CTPS1: variants seen among roughly 807,000 people sequenced by gnomAD.
CTPS1 encodes the protein CTP synthetase 1.
CTPS1 carries 25 observed loss-of-function variants against 80.5 expected under a neutral mutation model. The ratio of observed to expected loss-of-function variants is 0.31; its 90% CI spans 0.23 to 0.43. The LOEUF is 0.43. CTPS1 is among the 20% of genes least tolerant of loss of function. The pLI, the probability that CTPS1 is intolerant of heterozygous loss-of-function variation, is 1.00. For missense variants in CTPS1, 442 were observed against 725.7 expected (o/e 0.61, Z 4.49); for synonymous variants, 267 against 252.5 (o/e 1.06, Z -0.54).
At chr1:40,992,753 C>T (rs79721587) in intron 7 of CTPS1, among the ~76,000 whole-genome samples, 13,272 of 147,096 alleles carry the variant, frequency 0.09, 653 homozygotes, top group South Asian at 0.13. Flanking sequence ...TGCAGTGGCG[C>T]GATCTTTTTG....
chr1:40,991,396 A>G, intron 6 of CTPS1, 148 bp downstream of exon 6: 2 of 638,808 alleles, frequency 3.1e-6, no homozygotes, highest in East Asian at 2.9e-5. Context: ...ACCGGGCTGT[A>G]GTTTGCAAGA....
chr1:41,006,160 T>C, intron 13 of CTPS1, 66 bp downstream of exon 13: 10 of 1,336,046 alleles, frequency 7.5e-6, no homozygotes, highest in Non-Finnish European at 1.1e-5. Flanking sequence ...ATGAACGTGA[T>C]TGATGATTAG....
Position 40,996,009 on chromosome 1 carries a change from C to T in CTPS1, c.813C>T (p.Asp271=). The part of the protein sequence containing the change: ...GVVDYFLRRL[D]LPIERQPRKM... The stretch of plus-strand genomic sequence containing the variant: ...TAGATTATTTTCTTCGAAGACTTGA[C>T]CTTCCTATTGAGAGGCAGCCAAGAA... The change falls in exon 8 of 19, where the codon GAC becomes GAT. Residue 271 remains aspartate (D), a synonymous_variant. Coordinates refer to ENST00000650070, the MANE Select transcript of CTPS1 (RefSeq NM_001905.4). 1 of 1,614,162 alleles carries T rather than the reference C, an allele frequency of 6.2e-7. No homozygotes were observed. Among genetic ancestry groups the T allele is most frequent in the East Asian group, 2.2e-5 (1 of 44,878 alleles).
In CTPS1 at chr1:40,987,369, C is replaced by T. The variant is rs1420976519; in HGVS notation, c.338-3C>T. 6.2e-7 allele frequency: 1 copy of T among 1,609,650 alleles called. No homozygotes were observed. Among genetic ancestry groups the T allele is most frequent in the Non-Finnish European group, 8.5e-7 (1 of 1,176,166 alleles). On this transcript the variant is annotated splice_polypyrimidine_tract_variant and splice_region_variant and intron_variant, in intron 3 of 18. Coordinates refer to ENST00000650070, the MANE Select transcript of CTPS1 (RefSeq NM_001905.4). ...AGTTCCCTGTTTGTTTTCTTTTTCC[C>T]AGTTGTCCCTCATATCACAGATGCA...
chr1:40,987,054 A>G (rs770851884), intron 3 of CTPS1, among the ~76,000 whole-genome samples: 1 of 152,176 alleles, frequency 6.6e-6, no homozygotes, highest in Non-Finnish European at 1.5e-5. Context: ...GCTGTGAGCA[A>G]TAGGGTTGGC....
intron 7 of CTPS1, 72 bp from the exon 8 acceptor site, chr1:40,995,845 A>C (rs1558149746): frequency 2.1e-6 from 3 of 1,447,744 alleles, no homozygotes; most frequent in Non-Finnish European, 2.8e-6. Flanking sequence ...TTACAAGGTC[A>C]CGTAGCTAGT....
Position 41,003,164 on chromosome 1 carries a change from C to G in CTPS1, c.1240C>G (p.Leu414Val). Reference protein sequence around the residue: ...LAVVEFSRNVLGWQDANSTEF... With the variant: ...LAVVEFSRNVVGWQDANSTEF... ...AGTGGTTGAATTCTCAAGAAACGTG[C>G]TGGGATGGCAAGGTAAGCGTGCATT... The change falls in exon 12 of 19, where the codon CTG becomes GTG. Residue 414 changes from leucine (L) to valine (V), a missense_variant. Leu to Val is a conservative substitution (Grantham distance 32). This residue lies in a region of CTPS1 where 321 missense variants were observed against 467.2 expected (regional missense o/e 0.69). Transcript: ENST00000650070. The G allele has an allele frequency of 6.2e-7, 1 of 1,614,122 alleles. No individual in the cohort carries two copies. Among genetic ancestry groups the G allele is most frequent in the Non-Finnish European group, 8.5e-7 (1 of 1,180,022 alleles).
intron 10 of CTPS1, chr1:41,001,559 C>T (rs1418146379): frequency 1.2e-5 from 2 of 160,808 alleles, no homozygotes; most frequent in African/African-American, 4.8e-5. Flanking sequence ...GAAAGGCCCC[C>T]TTAGGGGAGC....
At chr1:40,998,657 T>A (rs1362610997) in intron 9 of CTPS1, among the ~76,000 whole-genome samples, 1 of 152,178 alleles carries the variant, frequency 6.6e-6, no homozygotes, top group Non-Finnish European at 1.5e-5. Context: ...AACCCTCCCT[T>A]CTGCCTGTCC....
chr1:41,006,202 C>T (rs933635068), intron 13 of CTPS1, 108 bp downstream of exon 13: 4 of 946,168 alleles, frequency 4.2e-6, no homozygotes, highest in Non-Finnish European at 5.0e-6. Flanking sequence ...GAGTCCATCC[C>T]AAAGAACCCT....
chr1:40,991,138 T>C, intron 5 of CTPS1, 27 bp from the exon 6 acceptor site: 1 of 1,381,878 alleles, frequency 7.2e-7, no homozygotes, highest in Non-Finnish European at 9.8e-7. Flanking sequence ...GAAACTAACT[T>C]TTTTTTTTTT....
At chr1:41,002,339 G>T in intron 11 of CTPS1, 85 bp downstream of exon 11, 1 of 1,054,316 alleles carries the variant, frequency 9.5e-7, no homozygotes, top group Non-Finnish European at 1.5e-6. Flanking sequence ...AACAAAGTGG[G>T]GGGATTACTG....
At chr1:40,989,314 T>C (rs76311021) in intron 5 of CTPS1, among the ~76,000 whole-genome samples, 3,937 of 152,250 alleles carry the variant, frequency 0.026, 174 homozygotes, top group African/African-American at 0.09. Context: ...GAGCAGACAG[T>C]AGGGACAGTT....
At chr1:40,994,359 C>A (rs1642700042) in intron 7 of CTPS1, among the ~76,000 whole-genome samples, 1 of 152,188 alleles carries the variant, frequency 6.6e-6, no homozygotes, top group Non-Finnish European at 1.5e-5. Flanking sequence ...TCCTTGGATA[C>A]TATTCTGTAC....
intron 1 of CTPS1, 180 bp from the exon 2 acceptor site, chr1:40,983,098 C>A: frequency 2.0e-6 from 1 of 491,580 alleles, no homozygotes. Context: ...TTCAGTGATC[C>A]AAGAAATGTT....
intron 3 of CTPS1, among the ~76,000 whole-genome samples, chr1:40,986,927 TG>T (rs1347314539): frequency 5.3e-5 from 8 of 152,332 alleles, no homozygotes; most frequent in African/African-American, 1.9e-4. Context: ...TCTGCTGTGC[TG>T]TGCTGGCTCA....
At chr1:41,008,607 G>A (rs1409637206) in intron 14 of CTPS1, 52 bp from the exon 15 acceptor site, 14 of 1,560,596 alleles carry the variant, frequency 9.0e-6, no homozygotes, top group South Asian at 7.8e-5. Context: ...CTTTGTGAAC[G>A]CATCATCCTG....
At chr1:40,999,569 A>G (rs978738642) in intron 9 of CTPS1, among the ~76,000 whole-genome samples, 2 of 152,144 alleles carry the variant, frequency 1.3e-5, no homozygotes, top group Non-Finnish European at 2.9e-5. Flanking sequence ...AGTGTTAGAG[A>G]GGCTGTGGAG....
At chr1:40,980,110 T>A (rs1042704030) in intron 1 of CTPS1, 10 of 151,120 alleles carry the variant, frequency 6.6e-5, no homozygotes, top group African/African-American at 2.4e-4. Context: ...CTTCAGAGGC[T>A]GCGGGGCCTG....
Sources: allele counts gnomAD v4.1 joint callset (sites outside exome capture counted in the v4.1 genomes callset), GRCh38; gene constraint gnomAD v4.1.1; regional missense constraint gnomAD v4.1.1; transcripts MANE v1.5; gene names NCBI Gene and HGNC (gene_info 2026-07-23, HGNC 2026-07-21).